The following DLG2 variants were observed in gnomAD, a reference collection of about 807,000 sequenced individuals.
DLG2 encodes the protein disks large homolog 2.
In DLG2, 45 loss-of-function variants were observed where a neutral mutation model predicts 132.5. The ratio of observed to expected loss-of-function variants is 0.34; its 90% CI spans 0.27 to 0.44. The LOEUF (loss-of-function observed/expected upper bound fraction) is 0.44, where lower values mean the gene tolerates loss of function less well. Ranked by LOEUF, DLG2 falls within the 20% of genes least tolerant of loss-of-function variation. DLG2 has a pLI of 1.00. For synonymous variants in DLG2, 424 were observed against 419.6 expected, an observed-to-expected ratio of 1.01 and a Z score of -0.13; for missense variants, 1,045 against 1,196.9, an observed-to-expected ratio of 0.87 and a Z score of 1.87.
intron 6 of DLG2, among the ~76,000 whole-genome samples, chr11:84,738,326 G>T (rs2064137689): frequency 6.6e-6 from 1 of 151,430 alleles, no homozygotes; most frequent in African/African-American, 2.4e-5. Flanking sequence ...TTCTTTTTCA[G>T]TAATGTATAT....
chr11:84,802,154 A>G (rs985169874), intron 6 of DLG2, among the ~76,000 whole-genome samples: 5 of 151,360 alleles, frequency 3.3e-5, no homozygotes, highest in African/African-American at 1.2e-4. Context: ...CAGCCTGGGG[A>G]TTCTAGGCTA....
chr11:84,351,369 T>C (rs1036476067), intron 7 of DLG2, among the ~76,000 whole-genome samples: 2 of 152,178 alleles, frequency 1.3e-5, no homozygotes, highest in African/African-American at 2.4e-5. Flanking sequence ...TTTTTCTTCA[T>C]GCATTATATT....
At chr11:83,524,602 A>T (rs976004032) in intron 21 of DLG2, among the ~76,000 whole-genome samples, 6 of 152,126 alleles carry the variant, frequency 3.9e-5, no homozygotes, top group African/African-American at 1.4e-4. Context: ...GCTAAATTCT[A>T]ATCTAACCTC....
At chr11:85,514,717 A>G (rs973348997) in intron 3 of DLG2, among the ~76,000 whole-genome samples, 1 of 151,750 alleles carries the variant, frequency 6.6e-6, no homozygotes, top group African/African-American at 2.4e-5. Flanking sequence ...ATCTTTAAAA[A>G]TGTCTCTTTA....
intron 6 of DLG2, among the ~76,000 whole-genome samples, chr11:85,100,092 G>T (rs1186361316): frequency 4.6e-5 from 7 of 152,078 alleles, no homozygotes; most frequent in Non-Finnish European, 1.0e-4. Context: ...TAAATTCTAT[G>T]CTCTTATTAA....
chr11:84,348,447 T>C (rs2098548453), intron 7 of DLG2, among the ~76,000 whole-genome samples: 1 of 152,194 alleles, frequency 6.6e-6, no homozygotes, highest in Non-Finnish European at 1.5e-5. Context: ...ATGGGATGTT[T>C]ATAGGTATGC....
At chr11:85,193,532 A>G (rs1479920335) in intron 4 of DLG2, among the ~76,000 whole-genome samples, 2 of 152,164 alleles carry the variant, frequency 1.3e-5, no homozygotes, top group African/African-American at 2.4e-5. Flanking sequence ...TCTATATGAG[A>G]ATTCCAATTT....
intron 7 of DLG2, among the ~76,000 whole-genome samples, chr11:84,406,604 T>TGCTG (rs1343584217): frequency 1.3e-5 from 2 of 152,212 alleles, no homozygotes; most frequent in African/African-American, 4.8e-5. Context: ...CTTCCCAAAG[T>TGCTG]GCTGGGATTA....
In DLG2 at chr11:85,622,757, T is replaced by C. The variant is rs375093404; in HGVS notation, c.-93+3830A>G. ...AGGGTGCCTATGAGATATATGGCAATATCATGTCTTAAGATTCTAAGGCCA... is the reference window on the plus strand; with the variant it reads ...AGGGTGCCTATGAGATATATGGCAACATCATGTCTTAAGATTCTAAGGCCA... On this transcript the variant is annotated intron_variant, in intron 2 of 27. Coordinates refer to ENST00000376104, the MANE Select transcript of DLG2 (RefSeq NM_001142699.3). Among the ~76,000 whole-genome samples the C allele has an allele frequency of 3.4e-4, 51 of 152,158 alleles. 1 individual carries two copies. The East Asian group carries it at 7.3e-3, about 22-fold the overall frequency.
At chr11:84,009,545 T>G (rs976221843) in intron 11 of DLG2, among the ~76,000 whole-genome samples, 6 of 152,102 alleles carry the variant, frequency 3.9e-5, no homozygotes, top group Admixed American at 2.6e-4. Flanking sequence ...TATTTGTTTT[T>G]ATCAAAAGTG....
chr11:84,339,804 T>C (rs2098505822), intron 7 of DLG2, among the ~76,000 whole-genome samples: 1 of 152,212 alleles, frequency 6.6e-6, no homozygotes, highest in South Asian at 2.1e-4. Context: ...TACATGTACT[T>C]CTTAGACCTG....
At position 85,111,760 on chromosome 11, in the gene DLG2, A is replaced by G. The variant is rs1166380512; in HGVS notation, c.283-25T>C. On this transcript the variant is annotated intron_variant, in intron 5 of 27. Transcript: ENST00000376104. ...GCTGCAAATAAGTAAAAATTATATT[A>G]TATTCTATTTATTATGGGCCAGTAT... The G allele has an allele frequency of 2.6e-6, 4 of 1,521,250 alleles. No individual in the cohort carries two copies. In the South Asian group the frequency reaches 3.6e-5, roughly 14 times the overall value. The allele number at this position is 1,521,250 out of a possible 1,614,324, so 94.2% of individuals were successfully genotyped here. A position where few individuals can be genotyped will look rare whatever the true frequency, so the allele number is the denominator to read the frequency against.
chr11:84,753,250 G>A lies in DLG2; in HGVS notation c.358-218519C>T, dbSNP rs191565533. On this transcript the variant is annotated intron_variant, in intron 6 of 27. Coordinates refer to ENST00000376104, the MANE Select transcript of DLG2 (RefSeq NM_001142699.3). ...GGAAAGCTTTTGAAGCCAATTTCCCGTTAAAATAGACCTTTCTGGCCGTTG... is the reference window on the plus strand; with the variant it reads ...GGAAAGCTTTTGAAGCCAATTTCCCATTAAAATAGACCTTTCTGGCCGTTG... 6.2e-4 allele frequency among the ~76,000 whole-genome samples: 94 copies of A among 152,250 alleles called. 1 individual carries two copies. Among genetic ancestry groups the A allele is most frequent in the African/African-American group, 2.1e-3 (88 of 41,538 alleles).
chr11:84,472,969 T>G (rs1252223099), intron 7 of DLG2, among the ~76,000 whole-genome samples: 1 of 152,050 alleles, frequency 6.6e-6, no homozygotes, highest in Non-Finnish European at 1.5e-5. Flanking sequence ...TGTAAAATAC[T>G]TCAAGTAAGC....
At chr11:84,219,975 T>C (rs1225816534) in intron 8 of DLG2, among the ~76,000 whole-genome samples, 1 of 152,224 alleles carries the variant, frequency 6.6e-6, no homozygotes, top group Non-Finnish European at 1.5e-5. Flanking sequence ...AGGCAAAATC[T>C]CACATTGTTC....
intron 3 of DLG2, among the ~76,000 whole-genome samples, chr11:85,451,909 T>C (rs903552203): frequency 3.3e-5 from 5 of 152,234 alleles, no homozygotes; most frequent in African/African-American, 1.2e-4. Flanking sequence ...TAGCTGGTTT[T>C]AATTCCTTTT....
intron 6 of DLG2, among the ~76,000 whole-genome samples, chr11:84,907,802 T>G (rs1405349673): frequency 1.3e-5 from 2 of 152,180 alleles, no homozygotes; most frequent in Non-Finnish European, 2.9e-5. Flanking sequence ...AGAGTGGTCA[T>G]GCACTTGAGA....
At chr11:83,461,940 C>G (rs760458396) in intron 27 of DLG2, 62 bp downstream of exon 27, 2 of 1,160,118 alleles carry the variant, frequency 1.7e-6, no homozygotes, top group Non-Finnish European at 1.3e-6. Context: ...AGAACCCTCT[C>G]TGTGCCAAAT....
intron 6 of DLG2, among the ~76,000 whole-genome samples, chr11:84,841,398 A>T (rs1467909586): frequency 6.6e-6 from 1 of 152,138 alleles, no homozygotes; most frequent in South Asian, 2.1e-4. Flanking sequence ...CCATGTTTCT[A>T]TATATGCTTG....
Sources: allele counts gnomAD v4.1 joint callset (sites outside exome capture counted in the v4.1 genomes callset), GRCh38; gene constraint gnomAD v4.1.1; transcripts MANE v1.5; gene names NCBI Gene and HGNC (gene_info 2026-07-23, HGNC 2026-07-21).